CD2: variants seen among roughly 807,000 people sequenced by gnomAD.
CD2 encodes the protein CD2 molecule, also known as T-cell surface antigen CD2.
Under a neutral mutation model 23.2 loss-of-function variants are expected in CD2, and 18 were observed. The observed-to-expected ratio is 0.77, with a 90% CI of 0.54 to 1.15. The LOEUF (loss-of-function observed/expected upper bound fraction) is 1.15. Ranked by LOEUF, CD2 falls within the 50% of genes most tolerant of loss-of-function variation. The pLI, the probability that CD2 is intolerant of heterozygous loss-of-function variation, is 0.00. For synonymous variants in CD2, 162 were observed against 151.9 expected, an observed-to-expected ratio of 1.07 and a Z score of -0.49; for missense variants, 424 against 423.1, an observed-to-expected ratio of 1.00 and a Z score of -0.02.
chr1:116,758,331 C>T (rs1004000558), intron 2 of CD2, among the ~76,000 whole-genome samples: 2 of 152,020 alleles, frequency 1.3e-5, no homozygotes, highest in Admixed American at 1.3e-4. Flanking sequence ...ACAGGCCAGC[C>T]ATTCAGTGAG....
chr1:116,767,080 T>C (rs890610467), intron 4 of CD2, among the ~76,000 whole-genome samples: 6 of 152,162 alleles, frequency 3.9e-5, no homozygotes, highest in African/African-American at 1.4e-4. Flanking sequence ...TGTTTTGTCC[T>C]TTCTGGAGGC....
chr1:116,758,012 G>A (rs547772898), intron 2 of CD2, among the ~76,000 whole-genome samples: 361 of 151,618 alleles, frequency 2.4e-3, no homozygotes, highest in African/African-American at 8.1e-3. Context: ...CAAGAGATCC[G>A]CCCACCTTAG....
Position 116,761,561 on chromosome 1 carries a change from G to A in CD2, c.613+929G>A, listed in dbSNP as rs567043333. Among the ~76,000 whole-genome samples the A allele has an allele frequency of 1.1e-4, 16 of 152,312 alleles. No homozygotes were observed. In the East Asian group the frequency reaches 1.7e-3, roughly 17 times the overall value. On this transcript the variant is annotated intron_variant, in intron 3 of 4. Transcript: ENST00000369478. ...GGAATAAGTGCCCAGGACAAAAGTCGTGGTCTTTTTGTAACTTAATCTCAG... is the reference window on the plus strand; with the variant it reads ...GGAATAAGTGCCCAGGACAAAAGTCATGGTCTTTTTGTAACTTAATCTCAG...
At position 116,768,446 on chromosome 1, in the gene CD2, G is replaced by C. The variant is rs1652283595; in HGVS notation, c.737-18G>C. The C allele has an allele frequency of 6.2e-7, 1 of 1,609,930 alleles. No homozygotes were observed. Among genetic ancestry groups the C allele is most frequent in the Non-Finnish European group, 8.5e-7 (1 of 1,177,574 alleles). The stretch of plus-strand genomic sequence containing the variant: ...TCACCTGGCCAAGATGAACTCTATT[G>C]AGGTTTTGTTGTTGCAGATGAGGAG... On this transcript the variant is annotated intron_variant, in intron 4 of 4. Transcript: ENST00000369478.
chr1:116,760,715 C>T (rs1179709982), intron 3 of CD2, 83 bp downstream of exon 3: 1 of 1,067,984 alleles, frequency 9.4e-7, no homozygotes, highest in Admixed American at 1.9e-5. Context: ...CACAGGTGCT[C>T]ATGCTGGGAG....
At chr1:116,755,448 G>A (rs1003198536) in intron 2 of CD2, among the ~76,000 whole-genome samples, 12 of 152,284 alleles carry the variant, frequency 7.9e-5, no homozygotes, top group Middle Eastern at 6.8e-3. Context: ...CCCTTATTTT[G>A]GATCTGCTTG....
At chr1:116,758,322 C>G (rs1651926186) in intron 2 of CD2, among the ~76,000 whole-genome samples, 1 of 152,058 alleles carries the variant, frequency 6.6e-6, no homozygotes, top group Admixed American at 6.5e-5. Flanking sequence ...AGCATGAGCA[C>G]AGGCCAGCCA....
At chr1:116,756,207 C>T (rs1002626592) in intron 2 of CD2, among the ~76,000 whole-genome samples, 5 of 152,112 alleles carry the variant, frequency 3.3e-5, no homozygotes, top group African/African-American at 4.8e-5. Context: ...TTGAGCATGG[C>T]GCTGAAAAGG....
At chr1:116,768,334 G>T (rs1652279453) in intron 4 of CD2, 130 bp from the exon 5 acceptor site, 1 of 791,364 alleles carries the variant, frequency 1.3e-6, no homozygotes, top group African/African-American at 1.8e-5. Context: ...TCAGATAGTA[G>T]GGGCAACTTC....
chr1:116,765,084 C>T (rs1158755447), intron 4 of CD2, among the ~76,000 whole-genome samples: 1 of 152,158 alleles, frequency 6.6e-6, no homozygotes, highest in South Asian at 2.1e-4. Context: ...GCCTGTGCCC[C>T]CTTTGCTAAT....
intron 4 of CD2, among the ~76,000 whole-genome samples, chr1:116,765,167 T>A (rs1652177304): frequency 6.6e-6 from 1 of 152,086 alleles, no homozygotes; most frequent in East Asian, 1.9e-4. Flanking sequence ...CTATCAGCAA[T>A]GAAAAGGTTA....
intron 2 of CD2, among the ~76,000 whole-genome samples, chr1:116,756,338 G>T (rs1056929298): frequency 6.6e-6 from 1 of 152,176 alleles, no homozygotes; most frequent in Admixed American, 6.5e-5. Flanking sequence ...TCACATTTGG[G>T]TCGCATTTAG....
At chr1:116,760,130 G>A (rs1651993772) in intron 2 of CD2, among the ~76,000 whole-genome samples, 1 of 152,188 alleles carries the variant, frequency 6.6e-6, no homozygotes. Flanking sequence ...TGTCATATAT[G>A]TGAAAGCATT....
intron 3 of CD2, among the ~76,000 whole-genome samples, chr1:116,763,049 G>A (rs142401559): frequency 6.6e-6 from 1 of 152,312 alleles, no homozygotes; most frequent in African/African-American, 2.4e-5. Flanking sequence ...AGCAGGAAGT[G>A]GCCTCTGGTA....
intron 4 of CD2, among the ~76,000 whole-genome samples, chr1:116,766,046 A>C (rs969760443): frequency 2.6e-5 from 4 of 152,220 alleles, no homozygotes; most frequent in African/African-American, 9.7e-5. Context: ...CCAGAATTTA[A>C]GGCATAGAAT....
chr1:116,758,806 C>T (rs1397918640), intron 2 of CD2, among the ~76,000 whole-genome samples: 1 of 152,134 alleles, frequency 6.6e-6, no homozygotes, highest in Non-Finnish European at 1.5e-5. Flanking sequence ...CCCAACAATA[C>T]TGAGACCTAG....
chr1:116,760,295 A>T (rs1022535752), intron 2 of CD2, 107 bp from the exon 3 acceptor site: 15 of 777,978 alleles, frequency 1.9e-5, no homozygotes, highest in Non-Finnish European at 3.1e-5. Context: ...GGTCTTTGAC[A>T]TTGTTCCCTT....
rs1362247559 is a variant in CD2, at chr1:116,768,899, G to A, written c.*116G>A. ...TGTGCAGAACATTGTCACCTCCTGAGGCTGTGGGCCACAGCCACCTCTGCA... is the reference window on the plus strand; with the variant it reads ...TGTGCAGAACATTGTCACCTCCTGAAGCTGTGGGCCACAGCCACCTCTGCA... On this transcript the variant is annotated 3_prime_UTR_variant, in exon 5 of 5. Coordinates refer to ENST00000369478, the MANE Select transcript of CD2 (RefSeq NM_001767.5). 1 of 1,058,438 alleles carries A rather than the reference G, an allele frequency of 9.4e-7. No individual in the cohort carries two copies. The highest frequency in any genetic ancestry group is 1.4e-6 in the Non-Finnish European group (1 of 736,410). The allele number at this position is 1,058,438 out of a possible 1,614,324, so 65.6% of individuals were successfully genotyped here.
intron 3 of CD2, 119 bp downstream of exon 3, chr1:116,760,751 G>A (rs1652024098): frequency 4.1e-6 from 3 of 732,606 alleles, no homozygotes; most frequent in Admixed American, 2.2e-5. Flanking sequence ...GATGAGGCAT[G>A]AAAGCATATC....
Sources: gnomAD v4.1 joint callset for allele counts (sites outside exome capture counted in the v4.1 genomes callset) on GRCh38, gnomAD v4.1.1 for gene constraint, MANE v1.5 for transcripts, NCBI Gene and HGNC (gene_info 2026-07-23, HGNC 2026-07-21) for gene names.